CCDC88A: variants seen among roughly 807,000 people sequenced by gnomAD.
CCDC88A encodes coiled-coil and HOOK domain protein 88A, also known as girdin.
In CCDC88A, 54 loss-of-function variants were observed where a neutral mutation model predicts 234.3. The ratio of observed to expected loss-of-function variants is 0.23; its 90% CI spans 0.19 to 0.29. The LOEUF (loss-of-function observed/expected upper bound fraction) is 0.29, where lower values mean the gene tolerates loss of function less well. CCDC88A is among the 10% of genes least tolerant of loss of function. CCDC88A has a pLI of 1.00. For missense variants in CCDC88A, 1,832 were observed against 2,123.4 expected (o/e 0.86, Z 2.70); for synonymous variants, 753 against 737.8 (o/e 1.02, Z -0.33).
chr2:55,297,287 ATATATAAT>A (rs1680174256), intron 29 of CCDC88A: 1 of 108,076 alleles, frequency 9.3e-6, no homozygotes, highest in Admixed American at 1.4e-4. Context: ...TATATATAAT[ATATATAAT>A]TTATATATAA....
At chr2:55,384,618 TAC>T (rs1206201460) in intron 3 of CCDC88A, among the ~76,000 whole-genome samples, 1 of 81,494 alleles carries the variant, frequency 1.2e-5, no homozygotes, top group Admixed American at 1.5e-4. Context: ...TGTGTATATA[TAC>T]GTATATATAT....
intron 25 of CCDC88A, among the ~76,000 whole-genome samples, chr2:55,304,172 C>A (rs1681244613): frequency 6.6e-6 from 1 of 150,872 alleles, no homozygotes; most frequent in South Asian, 2.1e-4. Flanking sequence ...GTGGTGAGCA[C>A]CTGTAGTCCT....
intron 2 of CCDC88A, chr2:55,417,486 C>T (rs1366386963): frequency 6.6e-6 from 1 of 151,934 alleles, no homozygotes; most frequent in East Asian, 1.9e-4. Flanking sequence ...AATTCCATTA[C>T]ACAGCTGTCA....
rs561390835 is a variant in CCDC88A at position 55,299,038 on chromosome 2, A to G, written c.4825+801T>C. On this transcript the variant is annotated intron_variant, in intron 29 of 32. Coordinates refer to ENST00000436346, the MANE Select transcript of CCDC88A (RefSeq NM_001365480.1). ...AACATGGTGAAACCCTGTCTCCACT[A>G]AAAATACAAAAAATTAGCTGGGTGT... 2.0e-5 allele frequency among the ~76,000 whole-genome samples: 3 copies of G among 152,180 alleles called. No homozygotes were observed. In the East Asian group the frequency reaches 5.8e-4, roughly 29 times the overall value.
Position 55,328,458 on chromosome 2 carries a change from A to G in CCDC88A, c.2856-23T>C, listed in dbSNP as rs558140729. 1.7e-5 allele frequency: 25 copies of G among 1,467,154 alleles called. No homozygotes were observed. In the Admixed American group the frequency reaches 3.0e-4, roughly 17 times the overall value. The allele number at this position is 1,467,154 out of a possible 1,614,324, so 90.9% of individuals were successfully genotyped here. On this transcript the variant is annotated intron_variant, in intron 16 of 32. Transcript: ENST00000436346. This position sits in a 1 kb window ranked among gnomAD's most constrained non-coding sequence, Gnocchi z 4.3. ...CTACTATCCAAGTACAAAGTAATGTAGTTCATTATTGGAGGTCAGAAAATT... is the reference window on the plus strand; with the variant it reads ...CTACTATCCAAGTACAAAGTAATGTGGTTCATTATTGGAGGTCAGAAAATT...
intron 28 of CCDC88A, chr2:55,300,195 TA>T (rs1680713915): frequency 2.8e-6 from 1 of 354,988 alleles, no homozygotes; most frequent in Admixed American, 4.4e-5. Flanking sequence ...GTGTTTTAGT[TA>T]AATAGAATGA....
intron 3 of CCDC88A, among the ~76,000 whole-genome samples, chr2:55,379,075 C>A (rs950924172): frequency 6.6e-6 from 1 of 151,978 alleles, no homozygotes; most frequent in African/African-American, 2.4e-5. Flanking sequence ...TGTAAAAAGT[C>A]TTTTTATTTC....
At chr2:55,401,723 C>T (rs537239520) in intron 2 of CCDC88A, among the ~76,000 whole-genome samples, 10 of 151,568 alleles carry the variant, frequency 6.6e-5, no homozygotes, top group African/African-American at 2.2e-4. Context: ...CATATAATTA[C>T]CATACAGAGA....
chr2:55,399,479 A>G (rs1678225444), intron 2 of CCDC88A, among the ~76,000 whole-genome samples: 1 of 147,788 alleles, frequency 6.8e-6, no homozygotes, highest in Non-Finnish European at 1.5e-5. Context: ...GTGAGCCGAG[A>G]TTGCGCCACT....
intron 7 of CCDC88A, among the ~76,000 whole-genome samples, chr2:55,360,591 T>C (rs2966466): frequency 0.14 from 21,343 of 152,190 alleles, 1,932 homozygotes; most frequent in East Asian, 0.31. Context: ...AAATGCTTAA[T>C]TGGCAGGATA....
chr2:55,317,497 A>G lies in CCDC88A; in HGVS notation c.3602+67T>C. 1 of 1,252,680 alleles carries G rather than the reference A, an allele frequency of 8.0e-7. No individual in the cohort carries two copies. Among genetic ancestry groups the G allele is most frequent in the Non-Finnish European group, 1.1e-6 (1 of 927,508 alleles). 77.6% of individuals were successfully genotyped at this position (1,252,680 alleles called of 1,614,324 possible). ...TAACATTAGATGTGTTTAATATATA[A>G]AATTTATTATACTACTTGAAGAAAA... On this transcript the variant is annotated intron_variant, in intron 20 of 32. Coordinates refer to ENST00000436346, the MANE Select transcript of CCDC88A (RefSeq NM_001365480.1). The surrounding 1 kb of genome is among the most constrained non-coding windows in gnomAD (Gnocchi z 4.2).
rs987485761 is a variant in CCDC88A at position 55,419,229 on chromosome 2, C to T, written c.-150G>A. 4 of 611,884 alleles carry T rather than the reference C, an allele frequency of 6.5e-6. No individual in the cohort carries two copies. In the African/African-American group the frequency reaches 7.4e-5, roughly 11 times the overall value. 37.9% of individuals were successfully genotyped at this position (611,884 alleles called of 1,614,324 possible). On this transcript the variant is annotated 5_prime_UTR_variant, in exon 1 of 33. Coordinates refer to ENST00000436346, the MANE Select transcript of CCDC88A (RefSeq NM_001365480.1). ...GTGGAGGAGGGGGGCACTCTCCCTC[C>T]TCAAAAAACACCCCAGAGTGAAACG... is the stretch of plus-strand genomic sequence containing the variant.
intron 3 of CCDC88A, among the ~76,000 whole-genome samples, chr2:55,379,652 G>C (rs1467730863): frequency 6.6e-6 from 1 of 152,210 alleles, no homozygotes; most frequent in Non-Finnish European, 1.5e-5. Flanking sequence ...GAGGGGCTGG[G>C]CACAGCAGCT....
At position 55,346,352 on chromosome 2, in the gene CCDC88A, T is replaced by A. The variant is rs1250085134; in HGVS notation, c.883-19A>T. 2 of 1,461,972 alleles carry A rather than the reference T, an allele frequency of 1.4e-6. No individual in the cohort carries two copies. The highest frequency in any genetic ancestry group is 2.7e-5 in the South Asian group (2 of 75,318). 90.6% of individuals were successfully genotyped at this position (1,461,972 alleles called of 1,614,324 possible). On this transcript the variant is annotated intron_variant, in intron 9 of 32. Coordinates refer to ENST00000436346, the MANE Select transcript of CCDC88A (RefSeq NM_001365480.1). ...TCATGTTCTAAACAAAAATTTAAAA[T>A]TATATTTTAATTATTTTCTGTTATC...
intron 8 of CCDC88A, among the ~76,000 whole-genome samples, chr2:55,352,969 T>C (rs565956016): frequency 2.6e-5 from 4 of 152,304 alleles, no homozygotes; most frequent in Non-Finnish European, 5.9e-5. Flanking sequence ...GAGATTTACT[T>C]CTTTTTAATA....
Position 55,289,646 on chromosome 2 carries a change from G to A in CCDC88A, c.*1554C>T, listed in dbSNP as rs1375691107. The A allele has an allele frequency of 6.6e-6, 1 of 152,144 alleles. No individual in the cohort carries two copies. Among genetic ancestry groups the A allele is most frequent in the Non-Finnish European group, 1.5e-5 (1 of 67,980 alleles). 9.4% of individuals were successfully genotyped at this position (152,144 alleles called of 1,614,324 possible). A position where few individuals can be genotyped will look rare whatever the true frequency, so the allele number is the denominator to read the frequency against. Reference sequence around the variant, plus strand: ...CGGTGGCATTGAAGTACGTAAGTAAGCTCAAGTTCTCTAAGTTCCATTTCA... The same window carrying A: ...CGGTGGCATTGAAGTACGTAAGTAAACTCAAGTTCTCTAAGTTCCATTTCA... On this transcript the variant is annotated 3_prime_UTR_variant, in exon 33 of 33. Transcript: ENST00000436346.
intron 25 of CCDC88A, among the ~76,000 whole-genome samples, chr2:55,303,608 C>T (rs1177823073): frequency 1.3e-5 from 2 of 152,046 alleles, no homozygotes; most frequent in African/African-American, 4.8e-5. Context: ...CTCGCACTCC[C>T]AACCTCAGGT....
In CCDC88A at chr2:55,316,100, T is replaced by G; in HGVS notation, c.3761A>C (p.Tyr1254Ser). 6.8e-7 allele frequency: 1 copy of G among 1,473,824 alleles called. No individual in the cohort carries two copies. Among genetic ancestry groups the G allele is most frequent in the Non-Finnish European group, 9.3e-7 (1 of 1,077,812 alleles). The allele number at this position is 1,473,824 out of a possible 1,614,324, so 91.3% of individuals were successfully genotyped here. A position where few individuals can be genotyped will look rare whatever the true frequency, so the allele number is the denominator to read the frequency against. Reference sequence around the variant, plus strand: ...TTCAGTCTCTTTTAAAAGTTGACTATAGGTATGATTCAGCCTATAATTAGA... The same window carrying G: ...TTCAGTCTCTTTTAAAAGTTGACTAGAGGTATGATTCAGCCTATAATTAGA... The part of the protein sequence containing the change: ...CGENDRLNHT[Y>S]SQLLKETEVL... The change falls in exon 22 of 33, where the codon TAT (tyrosine) becomes TCT (serine). Residue 1254 changes from tyrosine to serine, a missense_variant. This residue lies in a region of CCDC88A where 1,282 missense variants were observed against 1,543.6 expected (regional missense o/e 0.83). Coordinates refer to ENST00000436346, the MANE Select transcript of CCDC88A (RefSeq NM_001365480.1).
chr2:55,364,494 T>C (rs1368684414), intron 5 of CCDC88A, among the ~76,000 whole-genome samples: 2 of 152,078 alleles, frequency 1.3e-5, no homozygotes. Context: ...TAAGCAATTT[T>C]TACTTCAAGC....
Sources: gnomAD v4.1 joint callset for allele counts (sites outside exome capture counted in the v4.1 genomes callset) on GRCh38, gnomAD v4.1.1 for gene constraint, gnomAD v4.1.1 regional missense constraint, Gnocchi (gnomAD v3.1) non-coding constraint, MANE v1.5 for transcripts, NCBI Gene and HGNC (gene_info 2026-07-23, HGNC 2026-07-21) for gene names.